Variants in NTM observed in about 807,000 individuals in gnomAD.
The protein encoded by NTM is IgLON family member 2.
NTM carries 13 observed loss-of-function variants against 42.1 expected under a neutral mutation model. That is an observed-to-expected ratio of 0.31 (90% CI 0.20 to 0.49). NTM has a LOEUF of 0.49. NTM is among the 20% of genes least tolerant of loss of function. The pLI, the probability that NTM is intolerant of heterozygous loss-of-function variation, is 0.99. For synonymous variants in NTM, 187 were observed against 179.2 expected, an observed-to-expected ratio of 1.04 and a Z score of -0.35; for missense variants, 373 against 452.8, an observed-to-expected ratio of 0.82 and a Z score of 1.60.
chr11:132,235,344 G>A (rs2088583563), intron 4 of NTM, among the ~76,000 whole-genome samples: 1 of 152,122 alleles, frequency 6.6e-6, no homozygotes, highest in South Asian at 2.1e-4. Flanking sequence ...GTGGGTGTGT[G>A]TGCATGTGTG....
At chr11:131,444,677 G>A (rs531579260) in intron 1 of NTM, among the ~76,000 whole-genome samples, 1 of 152,250 alleles carries the variant, frequency 6.6e-6, no homozygotes, top group Admixed American at 6.5e-5. Flanking sequence ...GTGTGGTTGT[G>A]GGGGGTGTGG....
Position 132,277,493 on chromosome 11 carries a change from T to C in NTM, c.527-30196T>C, listed in dbSNP as rs577121480. On this transcript the variant is annotated intron_variant, in intron 4 of 8. Transcript: ENST00000683400. ...ATACCTTTGCAGATTTTCCTCTAAT[T>C]TGCTTTTCTTCTTTTCCCTTATATA... 5.5e-4 allele frequency among the ~76,000 whole-genome samples: 84 copies of C among 152,302 alleles called. No homozygotes were observed. The East Asian group carries it at 8.1e-3, about 15-fold the overall frequency.
chr11:131,839,143 G>A (rs1464893709), intron 1 of NTM, among the ~76,000 whole-genome samples: 1 of 151,952 alleles, frequency 6.6e-6, no homozygotes, highest in Non-Finnish European at 1.5e-5. Flanking sequence ...TGTATTTTTA[G>A]TAGAGACAGG....
At chr11:131,808,660 G>A (rs951219349) in intron 1 of NTM, among the ~76,000 whole-genome samples, 3 of 152,344 alleles carry the variant, frequency 2.0e-5, no homozygotes, top group African/African-American at 7.2e-5. Flanking sequence ...GTCTCAGGGT[G>A]AGTCACATCA....
intron 1 of NTM, among the ~76,000 whole-genome samples, chr11:131,416,039 A>G (rs750785400): frequency 5.3e-5 from 8 of 152,248 alleles, no homozygotes; most frequent in Non-Finnish European, 1.2e-4. Context: ...AAACTATTTT[A>G]GTACAAGTAT....
chr11:131,583,862 C>T (rs1057144333), intron 1 of NTM, among the ~76,000 whole-genome samples: 4 of 152,156 alleles, frequency 2.6e-5, no homozygotes, highest in Admixed American at 6.5e-5. Flanking sequence ...AGATGAACCC[C>T]TGAGAAGTAC....
intron 1 of NTM, among the ~76,000 whole-genome samples, chr11:131,740,568 T>A (rs922104688): frequency 1.6e-4 from 24 of 152,178 alleles, no homozygotes; most frequent in Non-Finnish European, 3.2e-4. Flanking sequence ...TTCTTCAATT[T>A]TTTTTCTTGA....
intron 6 of NTM, among the ~76,000 whole-genome samples, chr11:132,311,350 A>T (rs112543380): frequency 9.9e-4 from 151 of 152,016 alleles, no homozygotes; most frequent in African/African-American, 3.4e-3. Context: ...TTGTTTTTTT[A>T]AAAAAAAATT....
intron 1 of NTM, chr11:131,605,835 C>G (rs972098204): frequency 1.0e-6 from 1 of 984,388 alleles, no homozygotes; most frequent in Non-Finnish European, 1.2e-6. Flanking sequence ...TTCTAACTGC[C>G]TGGAAGCCTC....
At chr11:131,512,590 C>T (rs2048393817) in intron 1 of NTM, among the ~76,000 whole-genome samples, 1 of 152,218 alleles carries the variant, frequency 6.6e-6, no homozygotes, top group Non-Finnish European at 1.5e-5. Context: ...TTTCTCTCAG[C>T]TAGGCTTCTC....
rs117474273 is a variant in NTM at position 131,542,896 on chromosome 11, A to G, written c.82+172008A>G. The stretch of plus-strand genomic sequence containing the variant: ...GTTGCTTAGGCTTGAGCCCTGTAGT[A>G]TGTCTGACCTACACCCAGATCCTCT... On this transcript the variant is annotated intron_variant, in intron 1 of 8. Transcript: ENST00000683400. 5.9e-3 allele frequency among the ~76,000 whole-genome samples: 905 copies of G among 152,160 alleles called. 9 individuals carry two copies. The highest frequency in any genetic ancestry group is 8.7e-3 in the Non-Finnish European group (594 of 67,982).
chr11:131,670,673 A>G (rs1045224809), intron 1 of NTM, among the ~76,000 whole-genome samples: 4 of 152,148 alleles, frequency 2.6e-5, no homozygotes, highest in Non-Finnish European at 5.9e-5. Flanking sequence ...GTCGAGGGCT[A>G]GGACTACTGT....
chr11:131,845,684 C>T (rs140338953), intron 1 of NTM, among the ~76,000 whole-genome samples: 69 of 150,690 alleles, frequency 4.6e-4, no homozygotes, highest in African/African-American at 1.6e-3. Flanking sequence ...AAATTCCTGT[C>T]ATTAAAAAAA....
chr11:132,193,369 T>C (rs1336288192), intron 3 of NTM, among the ~76,000 whole-genome samples: 1 of 151,838 alleles, frequency 6.6e-6, no homozygotes, highest in Non-Finnish European at 1.5e-5. Flanking sequence ...AACCATAAAA[T>C]TGCATGGAAG....
chr11:132,294,736 G>GT (rs2094555445), intron 4 of NTM, among the ~76,000 whole-genome samples: 1 of 152,176 alleles, frequency 6.6e-6, no homozygotes, highest in Non-Finnish European at 1.5e-5. Flanking sequence ...GATGGCAGCA[G>GT]TTTTTTCCTT....
chr11:131,578,878 G>A (rs762455998), intron 1 of NTM, among the ~76,000 whole-genome samples: 1 of 152,172 alleles, frequency 6.6e-6, no homozygotes, highest in South Asian at 2.1e-4. Context: ...GGCTGATAAG[G>A]TTCAAGCAGA....
intron 1 of NTM, among the ~76,000 whole-genome samples, chr11:131,803,540 C>T (rs1309386352): frequency 6.6e-6 from 1 of 152,188 alleles, no homozygotes; most frequent in Non-Finnish European, 1.5e-5. Flanking sequence ...AAACTCCTGA[C>T]CTCAAGCAAT....
chr11:131,889,935 C>T (rs2051001696), intron 1 of NTM, among the ~76,000 whole-genome samples: 4 of 152,138 alleles, frequency 2.6e-5, no homozygotes, highest in Admixed American at 2.6e-4. Flanking sequence ...CCTACTTAGG[C>T]ATGCATTTAG....
chr11:131,837,830 C>T (rs1015857451), intron 1 of NTM, among the ~76,000 whole-genome samples: 2 of 152,314 alleles, frequency 1.3e-5, no homozygotes, highest in Admixed American at 1.3e-4. Context: ...GCGACGTGCC[C>T]TGACGTGGGA....
Sources: allele counts gnomAD v4.1 joint callset (sites outside exome capture counted in the v4.1 genomes callset), GRCh38; gene constraint gnomAD v4.1.1; transcripts MANE v1.5; gene names NCBI Gene and HGNC (gene_info 2026-07-23, HGNC 2026-07-21).